MKLN1: variants seen among roughly 807,000 people sequenced by gnomAD.
MKLN1 encodes muskelin 1, also known as muskelin.
A neutral mutation model predicts 99.0 loss-of-function variants in MKLN1; 18 were observed. The observed-to-expected ratio is 0.18, with a 90% CI of 0.13 to 0.27. MKLN1 has a LOEUF of 0.27. Among genes scored for constraint, MKLN1 ranks in the 10% least tolerant of loss-of-function variants. The pLI is 1.00. For synonymous variants in MKLN1, 288 were observed against 293.2 expected, an observed-to-expected ratio of 0.98 and a Z score of 0.18; for missense variants, 621 against 875.9, an observed-to-expected ratio of 0.71 and a Z score of 3.67.
At chr7:131,258,668 T>A (rs1443228295) in intron 3 of MKLN1, among the ~76,000 whole-genome samples, 4 of 152,238 alleles carry the variant, frequency 2.6e-5, no homozygotes, top group African/African-American at 9.6e-5. Flanking sequence ...TGGGAAGCCA[T>A]CCATTTACAT....
intron 2 of MKLN1, among the ~76,000 whole-genome samples, chr7:131,191,153 G>C (rs1369754299): frequency 6.6e-6 from 1 of 152,200 alleles, no homozygotes; most frequent in Non-Finnish European, 1.5e-5. Flanking sequence ...GCCCCCGTGG[G>C]GTTGTTTGCT....
chr7:131,168,669 A>G (rs183572398), intron 2 of MKLN1, among the ~76,000 whole-genome samples: 1 of 152,270 alleles, frequency 6.6e-6, no homozygotes, highest in Non-Finnish European at 1.5e-5. Flanking sequence ...ATGTCTACCT[A>G]CTAAGTGCCA....
At chr7:131,259,597 G>A (rs1797704926) in intron 3 of MKLN1, among the ~76,000 whole-genome samples, 1 of 151,930 alleles carries the variant, frequency 6.6e-6, no homozygotes. Context: ...CTTTAATAAG[G>A]TTCACATAAT....
intron 1 of MKLN1, among the ~76,000 whole-genome samples, chr7:131,126,355 A>C (rs1795457535): frequency 6.6e-6 from 1 of 152,226 alleles, no homozygotes; most frequent in Non-Finnish European, 1.5e-5. Context: ...GGATAGTACC[A>C]TTGAATGGGG....
In MKLN1 at chr7:131,403,591, G is replaced by GT. The variant is rs531543988; in HGVS notation, c.703+4165dup. Among the ~76,000 whole-genome samples, 195 of 152,194 alleles carry GT rather than the reference G, an allele frequency of 1.3e-3. 1 individual carries two copies. Among genetic ancestry groups the GT allele is most frequent in the Admixed American group, 6.3e-3 (97 of 15,288 alleles). On this transcript the variant is annotated intron_variant, in intron 6 of 17. Transcript: ENST00000352689. ...TCCTCCCTAAGTTTAATTATTTCTA[G>GT]TTTTTTTATTTAAAGTGAGAGGTTT...
intron 3 of MKLN1, among the ~76,000 whole-genome samples, chr7:131,308,162 C>T (rs1180122930): frequency 6.6e-6 from 1 of 152,104 alleles, no homozygotes; most frequent in Non-Finnish European, 1.5e-5. Flanking sequence ...TTCTCCTTTG[C>T]CTTCTATCAT....
At chr7:131,120,305 C>G (rs1192276776) in intron 1 of MKLN1, among the ~76,000 whole-genome samples, 3 of 151,530 alleles carry the variant, frequency 2.0e-5, no homozygotes, top group Non-Finnish European at 4.4e-5. Context: ...GCGGGTGGAT[C>G]ACGAGGTCAG....
intron 2 of MKLN1, among the ~76,000 whole-genome samples, chr7:131,383,447 C>T (rs1793911194): frequency 6.6e-6 from 1 of 152,154 alleles, no homozygotes; most frequent in South Asian, 2.1e-4. Context: ...AAGCCCAGTC[C>T]CCTAGCCAAT....
intron 9 of MKLN1, among the ~76,000 whole-genome samples, chr7:131,432,668 G>C (rs1189604966): frequency 6.6e-6 from 1 of 152,102 alleles, no homozygotes; most frequent in East Asian, 1.9e-4. Flanking sequence ...GGATGGTCTC[G>C]ATCTCTTGAC....
chr7:131,473,828 A>T (rs561115333), intron 16 of MKLN1, among the ~76,000 whole-genome samples: 2 of 152,330 alleles, frequency 1.3e-5, no homozygotes, highest in Admixed American at 1.3e-4. Context: ...AACATTAAAG[A>T]AGCAAATTAT....
intron 12 of MKLN1, among the ~76,000 whole-genome samples, chr7:131,455,982 G>T (rs1246588742): frequency 6.6e-6 from 1 of 152,070 alleles, no homozygotes; most frequent in African/African-American, 2.4e-5. Flanking sequence ...GGAGGCAGAG[G>T]TTGCAGTGAA....
At position 131,496,013 on chromosome 7, in the gene MKLN1, A is replaced by C. The variant is rs1436893355; in HGVS notation, c.*8285A>C. On this transcript the variant is annotated 3_prime_UTR_variant, in exon 18 of 18. Coordinates refer to ENST00000352689, the MANE Select transcript of MKLN1 (RefSeq NM_013255.5). ...AGAAAAACAGACAAAATGAACATGA[A>C]GCAAGGAGTCCATAAAACAAGAGTT... 6.6e-6 allele frequency: 1 copy of C among 151,302 alleles called. No homozygotes were observed. Among genetic ancestry groups the C allele is most frequent in the Non-Finnish European group, 1.5e-5 (1 of 68,042 alleles). 9.4% of individuals were successfully genotyped at this position (151,302 alleles called of 1,614,324 possible).
At chr7:131,185,894 A>C (rs928972156) in intron 2 of MKLN1, among the ~76,000 whole-genome samples, 1 of 152,092 alleles carries the variant, frequency 6.6e-6, no homozygotes, top group African/African-American at 2.4e-5. Flanking sequence ...TTCTAATATT[A>C]ATTTAAAACA....
chr7:131,248,274 C>G (rs1385187006), intron 3 of MKLN1, among the ~76,000 whole-genome samples: 1 of 150,842 alleles, frequency 6.6e-6, no homozygotes, highest in East Asian at 2.0e-4. Context: ...CAGTGTCTTG[C>G]CTCTAATTGG....
At chr7:131,366,065 C>G (rs1177257229) in intron 1 of MKLN1, among the ~76,000 whole-genome samples, 2 of 152,096 alleles carry the variant, frequency 1.3e-5, no homozygotes, top group Non-Finnish European at 2.9e-5. Context: ...TAGAATTGTG[C>G]AATTCAACTC....
At chr7:131,343,063 T>C (rs1799453015) in intron 1 of MKLN1, among the ~76,000 whole-genome samples, 1 of 152,216 alleles carries the variant, frequency 6.6e-6, no homozygotes, top group South Asian at 2.1e-4. Flanking sequence ...GCTGCAGAAC[T>C]GAAATTCAGA....
intron 3 of MKLN1, among the ~76,000 whole-genome samples, chr7:131,299,867 T>G (rs879287257): frequency 2.2e-4 from 33 of 152,188 alleles, no homozygotes; most frequent in Admixed American, 1.4e-3. Context: ...AAATACCACC[T>G]CTAAAAATAG....
intron 2 of MKLN1, among the ~76,000 whole-genome samples, chr7:131,382,344 G>C (rs753501477): frequency 6.6e-6 from 1 of 151,502 alleles, no homozygotes; most frequent in Non-Finnish European, 1.5e-5. Flanking sequence ...CAGCCAGGGC[G>C]ACAGACAAGG....
chr7:131,227,354 TTCTC>T (rs1014907617), intron 3 of MKLN1, among the ~76,000 whole-genome samples: 2 of 151,462 alleles, frequency 1.3e-5, no homozygotes, highest in Non-Finnish European at 2.9e-5. Context: ...CTTTCTTTCC[TTCTC>T]TCTCTTTCTT....
Sources: gnomAD v4.1 joint callset for allele counts (sites outside exome capture counted in the v4.1 genomes callset) on GRCh38, gnomAD v4.1.1 for gene constraint, MANE v1.5 for transcripts, NCBI Gene and HGNC (gene_info 2026-07-23, HGNC 2026-07-21) for gene names.